Variants in SLC7A8 observed in about 807,000 individuals in gnomAD.
The protein encoded by SLC7A8 is solute carrier family 7 member 8, also known as large neutral amino acids transporter small subunit 2.
In SLC7A8, 30 loss-of-function variants were observed where a neutral mutation model predicts 51.2. The ratio of observed to expected loss-of-function variants is 0.59; its 90% CI spans 0.44 to 0.80. The LOEUF (loss-of-function observed/expected upper bound fraction) is 0.80. SLC7A8 is among the 30% of genes least tolerant of loss of function. The pLI, the probability that SLC7A8 is intolerant of heterozygous loss-of-function variation, is 0.00. For missense variants in SLC7A8, 612 were observed against 674.4 expected, an observed-to-expected ratio of 0.91 and a Z score of 1.03; for synonymous variants, 257 against 275.8, an observed-to-expected ratio of 0.93 and a Z score of 0.67.
Position 23,140,518 on chromosome 14 carries a change from G to T in SLC7A8, c.741C>A (p.Gly247=). The change falls in exon 5 of 11, where the codon GGC becomes GGA. Residue 247 remains glycine (G), a synonymous_variant. Coordinates refer to ENST00000316902, the MANE Select transcript of SLC7A8 (RefSeq NM_012244.4). The part of the protein sequence containing the change: ...AFLQGSFAYG[G]WNFLNYVTEE... ...CAGTCACGTAATTCAGAAAGTTCCA[G>T]CCTCCATAGGCAAAGGAGCCCTGAA... 8 of 1,613,994 alleles carry T rather than the reference G, an allele frequency of 5.0e-6. No homozygotes were observed. Among genetic ancestry groups the T allele is most frequent in the Non-Finnish European group, 6.8e-6 (8 of 1,179,844 alleles).
Position 23,182,828 on chromosome 14 carries a change from G to C in SLC7A8, c.87C>G (p.Ser29=). The change falls in exon 1 of 11, where the codon TCC becomes TCG. Residue 29 remains serine, a synonymous_variant. Coordinates refer to ENST00000316902, the MANE Select transcript of SLC7A8 (RefSeq NM_012244.4). ...GESDASPEAG[S]GGGGVALKKE... is the part of the protein sequence containing the mutation. ...TCTTCAGGGCTACTCCGCCCCCTCC[G>C]GAACCAGCCTCGGGGCTGGCGTCCG... 3 of 1,613,812 alleles carry C rather than the reference G, an allele frequency of 1.9e-6. No individual in the cohort carries two copies. Among genetic ancestry groups the C allele is most frequent in the Non-Finnish European group, 2.5e-6 (3 of 1,179,874 alleles).
chr14:23,144,341 A>ATTTT (rs67517828), intron 3 of SLC7A8, among the ~76,000 whole-genome samples: 1 of 114,356 alleles, frequency 8.7e-6, no homozygotes, highest in African/African-American at 3.1e-5. Context: ...TTTAAACACA[A>ATTTT]TTTTTTTTTT....
chr14:23,141,510 C>T (rs532522534), intron 4 of SLC7A8, among the ~76,000 whole-genome samples: 5 of 152,238 alleles, frequency 3.3e-5, no homozygotes, highest in African/African-American at 4.8e-5. Flanking sequence ...AGTGCAGTGG[C>T]GCGATCTCAG....
chr14:23,164,610 CTT>C (rs113840221), intron 3 of SLC7A8, among the ~76,000 whole-genome samples: 21 of 134,258 alleles, frequency 1.6e-4, no homozygotes, highest in Admixed American at 2.9e-4. Flanking sequence ...AAGTTTCTTT[CTT>C]TTTTTTTTTT....
intron 3 of SLC7A8, among the ~76,000 whole-genome samples, chr14:23,160,869 T>G (rs1213054261): frequency 6.6e-6 from 1 of 151,922 alleles, no homozygotes. Context: ...CCCTCCTAAC[T>G]CCCTCCACTC....
At chr14:23,135,543 A>G (rs888317205) in intron 7 of SLC7A8, among the ~76,000 whole-genome samples, 1 of 151,922 alleles carries the variant, frequency 6.6e-6, no homozygotes. Flanking sequence ...TCTACTAAAA[A>G]TACAACAAAT....
chr14:23,178,387 G>C (rs896653389), intron 1 of SLC7A8, among the ~76,000 whole-genome samples: 1 of 152,144 alleles, frequency 6.6e-6, no homozygotes, highest in Non-Finnish European at 1.5e-5. Context: ...GGACAAGGAT[G>C]ATGTTAAAAG....
In SLC7A8 at chr14:23,154,531, T is replaced by C. The variant is rs114888075; in HGVS notation, c.508+10754A>G. The C allele has an allele frequency of 5.1e-4, 494 of 965,810 alleles. 6 individuals carry two copies. In the African/African-American group the frequency reaches 8.1e-3, roughly 16 times the overall value. The allele number at this position is 965,810 out of a possible 1,614,324, so 59.8% of individuals were successfully genotyped here. A position where few individuals can be genotyped will look rare whatever the true frequency, so the allele number is the denominator to read the frequency against. On this transcript the variant is annotated intron_variant, in intron 3 of 10. Transcript: ENST00000316902. Reference sequence around the variant, plus strand: ...AAGGAACTGAGCACGTGTTTCTAATTGTGGAAAAGCCGCTTCGGCTTGGCC... The same window carrying C: ...AAGGAACTGAGCACGTGTTTCTAATCGTGGAAAAGCCGCTTCGGCTTGGCC...
In SLC7A8 at chr14:23,165,214, G is replaced by C; in HGVS notation, c.508+71C>G. ...GCCTGAGTGACAGAGTGAAGACTCT[G>C]TTTCTAAAAATAATAATAATAAATA... is the stretch of plus-strand genomic sequence containing the variant. On this transcript the variant is annotated intron_variant, in intron 3 of 10. Coordinates refer to ENST00000316902, the MANE Select transcript of SLC7A8 (RefSeq NM_012244.4). This position sits in a 1 kb window ranked among gnomAD's most constrained non-coding sequence, Gnocchi z 4.2. The C allele has an allele frequency of 1.4e-6, 2 of 1,407,696 alleles. No individual in the cohort carries two copies. The highest frequency in any genetic ancestry group is 1.9e-6 in the Non-Finnish European group (2 of 1,070,624). 87.2% of individuals were successfully genotyped at this position (1,407,696 alleles called of 1,614,324 possible).
At chr14:23,154,653 C>G (rs2048876593) in intron 3 of SLC7A8, among the ~76,000 whole-genome samples, 2 of 152,180 alleles carry the variant, frequency 1.3e-5, no homozygotes, top group African/African-American at 2.4e-5. Flanking sequence ...TGTTTGACCT[C>G]TAACGCACAC....
intron 7 of SLC7A8, 24 bp downstream of exon 7, chr14:23,137,897 G>A: frequency 6.2e-7 from 1 of 1,610,354 alleles, no homozygotes; most frequent in Non-Finnish European, 8.5e-7. Flanking sequence ...CCCCTGGCCG[G>A]GGAAGGGCCC....
intron 3 of SLC7A8, among the ~76,000 whole-genome samples, chr14:23,160,723 C>T (rs1324460386): frequency 3.3e-5 from 5 of 152,098 alleles, no homozygotes; most frequent in Non-Finnish European, 5.9e-5. Context: ...GGGCGGCTAT[C>T]GCTGCTGGCT....
intron 3 of SLC7A8, among the ~76,000 whole-genome samples, chr14:23,154,989 C>T (rs2048879766): frequency 9.9e-6 from 1 of 101,198 alleles, no homozygotes. Context: ...CAAAAAGCCA[C>T]ACAACAGACA....
intron 1 of SLC7A8, among the ~76,000 whole-genome samples, chr14:23,175,760 G>T (rs900011498): frequency 2.0e-5 from 3 of 152,152 alleles, no homozygotes; most frequent in African/African-American, 7.2e-5. Context: ...CCTGGTCCCG[G>T]CCACCTTGCA....
At chr14:23,143,498 C>T (rs545561891) in intron 3 of SLC7A8, among the ~76,000 whole-genome samples, 1 of 152,230 alleles carries the variant, frequency 6.6e-6, no homozygotes, top group African/African-American at 2.4e-5. Flanking sequence ...CACATCTGAT[C>T]AGGGCACAAG....
intron 8 of SLC7A8, 150 bp from the exon 9 acceptor site, chr14:23,129,949 C>G: frequency 4.0e-6 from 3 of 754,008 alleles, no homozygotes; most frequent in Non-Finnish European, 6.4e-6. Flanking sequence ...CCCTAGTAAC[C>G]CAATATGTTA....
At chr14:23,154,962 T>TA (rs201310696) in intron 3 of SLC7A8, among the ~76,000 whole-genome samples, 6,596 of 34,840 alleles carry the variant, frequency 0.19, 370 homozygotes, top group African/African-American at 0.32. Flanking sequence ...AGAAAAACGT[T>TA]AAAAAAAAAA....
At chr14:23,177,397 G>A (rs28564841) in intron 1 of SLC7A8, among the ~76,000 whole-genome samples, 5,223 of 152,304 alleles carry the variant, frequency 0.034, 340 homozygotes, top group African/African-American at 0.12. Flanking sequence ...TCTGTACCTT[G>A]CTTCTATTTC....
intron 3 of SLC7A8, among the ~76,000 whole-genome samples, chr14:23,147,366 C>T (rs894728534): frequency 6.6e-6 from 1 of 152,152 alleles, no homozygotes; most frequent in African/African-American, 2.4e-5. Context: ...ATAACAGGGA[C>T]GACGGGTGAA....
Sources: allele counts gnomAD v4.1 joint callset (sites outside exome capture counted in the v4.1 genomes callset), GRCh38; gene constraint gnomAD v4.1.1; non-coding constraint Gnocchi (gnomAD v3.1); transcripts MANE v1.5; gene names NCBI Gene and HGNC (gene_info 2026-07-23, HGNC 2026-07-21).